Variants in PCGF2 observed in about 807,000 individuals in gnomAD.
The protein encoded by PCGF2 is polycomb group RING finger protein 2.
Under a neutral mutation model 36.1 loss-of-function variants are expected in PCGF2, and 8 were observed. The observed-to-expected ratio is 0.22, with a 90% CI of 0.13 to 0.40. PCGF2 has a LOEUF of 0.40. Among genes scored for constraint, PCGF2 ranks in the 10% least tolerant of loss-of-function variants. The pLI, the probability that PCGF2 is intolerant of heterozygous loss-of-function variation, is 1.00. For missense variants in PCGF2, 436 were observed against 475.9 expected, an observed-to-expected ratio of 0.92 and a Z score of 0.78; for synonymous variants, 198 against 191.2, an observed-to-expected ratio of 1.04 and a Z score of -0.29.
chr17:38,738,683 AG>A, intron 7 of PCGF2, 69 bp downstream of exon 7: 1 of 1,563,184 alleles, frequency 6.4e-7, no homozygotes, highest in Non-Finnish European at 8.8e-7. Context: ...ACATCCAGAG[AG>A]GGTCCTGGGT....
chr17:38,736,383 C>T (rs973335027), intron 9 of PCGF2, among the ~76,000 whole-genome samples: 5 of 152,176 alleles, frequency 3.3e-5, no homozygotes, highest in Admixed American at 3.3e-4. Context: ...AGAAGTTTCC[C>T]CTATTGTTAG....
intron 9 of PCGF2, among the ~76,000 whole-genome samples, chr17:38,736,671 A>G (rs1337162930): frequency 6.6e-6 from 1 of 152,024 alleles, no homozygotes; most frequent in African/African-American, 2.4e-5. Flanking sequence ...CGTCTCTACT[A>G]AAAATACAAA....
In PCGF2 at chr17:38,734,113, A is replaced by T. The variant is rs773148114; in HGVS notation, c.*1110T>A. On this transcript the variant is annotated 3_prime_UTR_variant, in exon 11 of 11. Coordinates refer to ENST00000620225, the MANE Select transcript of PCGF2 (RefSeq NM_007144.3). ...CACACTTGAGGAAATCTCGGTGGGC[A>T]GCGACCTGCCAGGGTCTGTCCCTAA... 1 of 128,564 alleles carries T rather than the reference A, an allele frequency of 7.8e-6. No homozygotes were observed. The highest frequency in any genetic ancestry group is 2.5e-4 in the South Asian group (1 of 3,972). 8.0% of individuals were successfully genotyped at this position (128,564 alleles called of 1,614,324 possible). A position where few individuals can be genotyped will look rare whatever the true frequency, so the allele number is the denominator to read the frequency against.
chr17:38,735,281 G>A lies in PCGF2; in HGVS notation c.977C>T (p.Ser326Phe), dbSNP rs1275843223. 3 of 1,481,650 alleles carry A rather than the reference G, an allele frequency of 2.0e-6. No homozygotes were observed. The highest frequency in any genetic ancestry group is 4.9e-5 in the East Asian group (2 of 40,672). 91.8% of individuals were successfully genotyped at this position (1,481,650 alleles called of 1,614,324 possible). Residue 326 changes from serine (S) to phenylalanine (F), a missense_variant, in exon 11 of 11, where the codon TCC becomes TTC. Ser to Phe is a radical substitution (Grantham distance 155). Transcript: ENST00000620225. ...GSLNCLQTPSSTSRGRKMTVN... is the reference protein window; with the variant it reads ...GSLNCLQTPSFTSRGRKMTVN... ...AGTCATCTTGCGCCCCCTGCTGGTG[G>A]AGGATGGTGTCTGCAGGCAGTTCAA...
chr17:38,741,203 C>G (rs1023321904), intron 2 of PCGF2, among the ~76,000 whole-genome samples: 2 of 149,662 alleles, frequency 1.3e-5, no homozygotes, highest in Non-Finnish European at 3.0e-5. Flanking sequence ...TCTGGGTGGT[C>G]GAGGCTACAG....
intron 2 of PCGF2, among the ~76,000 whole-genome samples, chr17:38,745,281 G>A (rs570390857): frequency 4.7e-4 from 71 of 152,250 alleles, no homozygotes; most frequent in African/African-American, 1.5e-3. Flanking sequence ...GCAGTGAGCC[G>A]AGATTGCGCC....
rs1212123947 is a variant in PCGF2 at position 38,739,445 on chromosome 17, A to G, written c.209+141T>C. 3.4e-6 allele frequency: 3 copies of G among 872,744 alleles called. No individual in the cohort carries two copies. The allele number at this position is 872,744 out of a possible 1,614,324, so 54.1% of individuals were successfully genotyped here. A position where few individuals can be genotyped will look rare whatever the true frequency, so the allele number is the denominator to read the frequency against. ...CCTGTGATGAGCCAAATGTAACCCC[A>G]AGGTCGGGGAGTAGCCCAGGTCCAC... On this transcript the variant is annotated intron_variant, in intron 4 of 10. Transcript: ENST00000620225. This position sits in a 1 kb window ranked among gnomAD's most constrained non-coding sequence, Gnocchi z 4.0.
chr17:38,749,343 A>G (rs920509596), upstream of PCGF2: 13 of 245,176 alleles, frequency 5.3e-5, no homozygotes, highest in African/African-American at 2.7e-4. This position sits in a 1 kb window ranked among gnomAD's most constrained non-coding sequence, Gnocchi z 6.5. Flanking sequence ...CCCGACTCCC[A>G]CTGGCGCCCC....
chr17:38,739,786 T>G lies in PCGF2; in HGVS notation c.113-104A>C. ...CTCAGATATCCCTCCTCCTCCACCC[T>G]GTCCCTGCTCCGAGGCCCAATGTGG... On this transcript the variant is annotated intron_variant, in intron 3 of 10. Transcript: ENST00000620225. This position sits in a 1 kb window ranked among gnomAD's most constrained non-coding sequence, Gnocchi z 4.0. The G allele has an allele frequency of 1.2e-6, 1 of 840,974 alleles. No individual in the cohort carries two copies. Among genetic ancestry groups the G allele is most frequent in the Non-Finnish European group, 2.1e-6 (1 of 486,000 alleles). 52.1% of individuals were successfully genotyped at this position (840,974 alleles called of 1,614,324 possible).
chr17:38,742,189 G>A (rs1406785425), intron 2 of PCGF2, among the ~76,000 whole-genome samples: 2 of 152,172 alleles, frequency 1.3e-5, no homozygotes, highest in African/African-American at 4.8e-5. Flanking sequence ...ACCTGGAAGG[G>A]ACAGCAGCCC....
intron 2 of PCGF2, among the ~76,000 whole-genome samples, chr17:38,745,625 G>C (rs972459653): frequency 4.6e-5 from 7 of 152,246 alleles, no homozygotes; most frequent in African/African-American, 1.7e-4. Context: ...CCTGTGACAA[G>C]AAAGTGCCTG....
At position 38,748,247 on chromosome 17, in the gene PCGF2, G is replaced by A. The variant is rs1907683256; in HGVS notation, c.-185C>T. The A allele has an allele frequency of 6.8e-6, 1 of 146,378 alleles. No homozygotes were observed. The highest frequency in any genetic ancestry group is 2.2e-4 in the South Asian group (1 of 4,466). 9.1% of individuals were successfully genotyped at this position (146,378 alleles called of 1,614,324 possible). On this transcript the variant is annotated 5_prime_UTR_variant, in exon 1 of 11. Coordinates refer to ENST00000620225, the MANE Select transcript of PCGF2 (RefSeq NM_007144.3). ...GGGAGGGGGGGATGGGAGGGAGGGAGGGAAGGGAGGGGAGGGGGGCCGCAG... is the reference window on the plus strand; with the variant it reads ...GGGAGGGGGGGATGGGAGGGAGGGAAGGAAGGGAGGGGAGGGGGGCCGCAG...
At chr17:38,744,053 G>A (rs1206679006) in intron 2 of PCGF2, among the ~76,000 whole-genome samples, 1 of 152,122 alleles carries the variant, frequency 6.6e-6, no homozygotes, top group African/African-American at 2.4e-5. Context: ...TCCCAACTGT[G>A]TGTCCACCCC....
upstream of PCGF2, among the ~76,000 whole-genome samples, chr17:38,748,656 T>A (rs566113325): frequency 2.5e-3 from 386 of 152,092 alleles, 1 homozygote; most frequent in African/African-American, 8.9e-3. Flanking sequence ...CTTCAAAATA[T>A]GGGTTCCCCC....
Position 38,738,787 on chromosome 17 carries a change from C to G in PCGF2, c.391G>C (p.Val131Leu). 1.9e-6 allele frequency: 3 copies of G among 1,614,112 alleles called. No individual in the cohort carries two copies. Among genetic ancestry groups the G allele is most frequent in the South Asian group, 2.2e-5 (2 of 91,078 alleles). The change falls in exon 7 of 11, where the codon GTC becomes CTC. Residue 131 changes from valine to leucine, a missense_variant. Val to Leu is a conservative substitution (Grantham distance 32). Transcript: ENST00000620225. ...EKGALSDDEIVSLSIEFYEGA... is the reference protein window; with the variant it reads ...EKGALSDDEILSLSIEFYEGA... ...TCGTAGAATTCGATGGAGAGGCTGACAATCTCATCATCACTCAGAGCCCCC... is the reference window on the plus strand; with the variant it reads ...TCGTAGAATTCGATGGAGAGGCTGAGAATCTCATCATCACTCAGAGCCCCC...
chr17:38,738,245 G>T, intron 9 of PCGF2, 108 bp downstream of exon 9: 1 of 915,116 alleles, frequency 1.1e-6, no homozygotes, highest in Non-Finnish European at 1.7e-6. Context: ...AGTTAACCGC[G>T]CAAGCCCTGG....
chr17:38,739,382 C>T lies in PCGF2; in HGVS notation c.210-129G>A. The T allele has an allele frequency of 1.0e-6, 1 of 953,218 alleles. No individual in the cohort carries two copies. The highest frequency in any genetic ancestry group is 1.3e-5 in the South Asian group (1 of 74,600). 59.0% of individuals were successfully genotyped at this position (953,218 alleles called of 1,614,324 possible). A position where few individuals can be genotyped will look rare whatever the true frequency, so the allele number is the denominator to read the frequency against. ...AGACCGGTGCCCAGGCATTAGGATC[C>T]CTGTGGGTCTGGTCTTTGCCCCTCT... On this transcript the variant is annotated intron_variant, in intron 4 of 10. Coordinates refer to ENST00000620225, the MANE Select transcript of PCGF2 (RefSeq NM_007144.3). This position sits in a 1 kb window ranked among gnomAD's most constrained non-coding sequence, Gnocchi z 4.0.
intron 2 of PCGF2, among the ~76,000 whole-genome samples, chr17:38,746,111 C>T (rs1243141814): frequency 6.6e-6 from 1 of 152,108 alleles, no homozygotes; most frequent in Non-Finnish European, 1.5e-5. Flanking sequence ...CCTGTCCCCA[C>T]CATGCATTGA....
At position 38,744,583 on chromosome 17, in the gene PCGF2, T is replaced by A. The variant is rs2003562; in HGVS notation, c.-41+3296A>T. On this transcript the variant is annotated intron_variant, in intron 2 of 10. Transcript: ENST00000620225. Reference sequence around the variant, plus strand: ...GTTGGCCAGGCTGGTTTCCAACTCCTGGCCTCAAGTGATCTGCCCGCCTCG... The same window carrying A: ...GTTGGCCAGGCTGGTTTCCAACTCCAGGCCTCAAGTGATCTGCCCGCCTCG... Among the ~76,000 whole-genome samples, 457 of 152,284 alleles carry A rather than the reference T, an allele frequency of 3.0e-3. 2 individuals are homozygous for A. Among genetic ancestry groups the A allele is most frequent in the African/African-American group, 0.011 (442 of 41,574 alleles).
Sources: allele counts gnomAD v4.1 joint callset (sites outside exome capture counted in the v4.1 genomes callset), GRCh38; gene constraint gnomAD v4.1.1; non-coding constraint Gnocchi (gnomAD v3.1); transcripts MANE v1.5; gene names NCBI Gene and HGNC (gene_info 2026-07-23, HGNC 2026-07-21).